The following ACTA2 variants were observed in gnomAD, a reference collection of about 807,000 sequenced individuals.
ACTA2 encodes actin, aortic smooth muscle.
Under a neutral mutation model 39.5 loss-of-function variants are expected in ACTA2, and 12 were observed. That is an observed-to-expected ratio of 0.30 (90% CI 0.19 to 0.49). ACTA2 has a LOEUF of 0.49. Among genes scored for constraint, ACTA2 ranks in the 20% least tolerant of loss-of-function variants. The pLI is 0.99. For synonymous variants in ACTA2, 158 were observed against 180.6 expected, an observed-to-expected ratio of 0.88 and a Z score of 1.00; for missense variants, 236 against 498.8, an observed-to-expected ratio of 0.47 and a Z score of 5.02.
chr10:88,945,417 CG>C (rs1845927635), intron 3 of ACTA2, among the ~76,000 whole-genome samples: 1 of 151,916 alleles, frequency 6.6e-6, no homozygotes, highest in Non-Finnish European at 1.5e-5. Context: ...AAATTGTGTG[CG>C]TAGTAGTAGT....
chr10:88,988,315 C>T (rs1049260915), intron 1 of ACTA2, among the ~76,000 whole-genome samples: 1 of 151,784 alleles, frequency 6.6e-6, no homozygotes, highest in African/African-American at 2.4e-5. Flanking sequence ...TTAAAATCAA[C>T]TTATTGCAAT....
intron 1 of ACTA2, chr10:88,974,062 A>C (rs906169891): frequency 3.3e-5 from 5 of 152,246 alleles, no homozygotes; most frequent in Non-Finnish European, 7.3e-5. Context: ...TGGACCTCTC[A>C]AAGTGCTGGG....
At chr10:88,949,441 C>G (rs1846011475) in intron 1 of ACTA2, among the ~76,000 whole-genome samples, 1 of 152,120 alleles carries the variant, frequency 6.6e-6, no homozygotes, top group Admixed American at 6.5e-5. Flanking sequence ...GAGGGACAGG[C>G]AGCATGTAAA....
At chr10:88,978,372 A>C (rs1180328485) in intron 1 of ACTA2, among the ~76,000 whole-genome samples, 1 of 151,976 alleles carries the variant, frequency 6.6e-6, no homozygotes, top group African/African-American at 2.4e-5. Flanking sequence ...CATAATGTGC[A>C]CATGTACCCT....
chr10:88,965,175 T>G (rs1846298601), intron 1 of ACTA2, among the ~76,000 whole-genome samples: 1 of 152,206 alleles, frequency 6.6e-6, no homozygotes. Flanking sequence ...GCACACTTAC[T>G]TGATGTAAGC....
At chr10:88,941,475 G>C in intron 5 of ACTA2, 85 bp from the exon 6 acceptor site, 1 of 1,556,158 alleles carries the variant, frequency 6.4e-7, no homozygotes. Flanking sequence ...CCTTGGGGGA[G>C]AGGGAATTTC....
At chr10:88,991,168 G>A (rs1180664293) in exon 1 of ACTA2, 2 of 587,028 alleles carry the variant, frequency 3.4e-6, no homozygotes, top group East Asian at 2.8e-5. Flanking sequence ...TGGGCAGGCG[G>A]GGCAGCTCCG....
chr10:88,990,602 T>G lies in ACTA2; in HGVS notation c.-24+337A>C, dbSNP rs1847107542. On this transcript the variant is annotated intron_variant, in intron 1 of 4. Coordinates refer to the ACTA2 transcript ENST00000415557. This position sits in a 1 kb window ranked among gnomAD's most constrained non-coding sequence, Gnocchi z 4.9. ...AACCCGGGCGTTCCCCAGCGAGGCT[T>G]CCTTCCCATCCTCCTGACCACCGGG... 1.5e-6 allele frequency: 1 copy of G among 680,290 alleles called. No homozygotes were observed. Among genetic ancestry groups the G allele is most frequent in the Non-Finnish European group, 2.7e-6 (1 of 372,290 alleles). The allele number at this position is 680,290 out of a possible 1,614,324, so 42.1% of individuals were successfully genotyped here. A position where few individuals can be genotyped will look rare whatever the true frequency, so the allele number is the denominator to read the frequency against.
At chr10:88,953,778 C>A (rs905651126), upstream of ACTA2, among the ~76,000 whole-genome samples, 1 of 152,160 alleles carries the variant, frequency 6.6e-6, no homozygotes, top group Non-Finnish European at 1.5e-5. Context: ...CTCACGATAT[C>A]TGATGGTTTT....
rs1362497969 is a variant in ACTA2, at chr10:88,991,100, G to A, written c.-185C>T. 13 of 678,010 alleles carry A rather than the reference G, an allele frequency of 1.9e-5. No homozygotes were observed. In the Admixed American group the frequency reaches 2.8e-4, roughly 14 times the overall value. 42.0% of individuals were successfully genotyped at this position (678,010 alleles called of 1,614,324 possible). A position where few individuals can be genotyped will look rare whatever the true frequency, so the allele number is the denominator to read the frequency against. On this transcript the variant is annotated 5_prime_UTR_variant, in exon 1 of 5. Transcript: ENST00000415557. ...TTAGGACCTTCCCTCAGGCCCGGGT[G>A]CTCAGAACGCTGGAGGACTTGCTTT...
At chr10:88,988,329 G>C (rs1157588686) in intron 1 of ACTA2, among the ~76,000 whole-genome samples, 1 of 151,300 alleles carries the variant, frequency 6.6e-6, no homozygotes, top group East Asian at 1.9e-4. Flanking sequence ...TTGCAATTTA[G>C]TAAAAACAAT....
At chr10:88,969,273 A>T (rs1846379683) in intron 1 of ACTA2, among the ~76,000 whole-genome samples, 1 of 152,176 alleles carries the variant, frequency 6.6e-6, no homozygotes, top group Non-Finnish European at 1.5e-5. Context: ...TCATTTCCCA[A>T]AAAAAGCTCT....
exon 1 of ACTA2, chr10:88,991,211 A>G: frequency 1.8e-6 from 1 of 549,150 alleles, no homozygotes; most frequent in Non-Finnish European, 3.3e-6. Context: ...CTCCACGTTG[A>G]GGTGGGCGTG....
rs886038946 is a variant in ACTA2 at position 88,938,155 on chromosome 10, T to C, written c.896A>G (p.Asn299Ser). The C allele has an allele frequency of 1.2e-6, 2 of 1,613,926 alleles. No individual in the cohort carries two copies. The highest frequency in any genetic ancestry group is 2.7e-5 in the African/African-American group (2 of 74,908). Residue 299 changes from asparagine to serine, a missense_variant, in exon 8 of 9, where the codon AAT becomes AGT. Coordinates refer to ENST00000224784, the MANE Select transcript of ACTA2 (RefSeq NM_001613.4). Reference protein sequence around the residue: ...IDIRKDLYANNVLSGGTTMYP... With the variant: ...IDIRKDLYANSVLSGGTTMYP... ...CATAGTGGTGCCCCCTGATAGGACA[T>C]TGTTAGCATAGAGGTCCTTCCTGAT...
intron 3 of ACTA2, among the ~76,000 whole-genome samples, chr10:88,945,513 A>G (rs1013555090): frequency 2.6e-5 from 4 of 151,970 alleles, no homozygotes; most frequent in African/African-American, 9.7e-5. Context: ...TCACTTTCTC[A>G]TTATTTCTTC....
Position 88,938,161 on chromosome 10 carries a change from G to A in ACTA2, c.890C>T (p.Ala297Val). ...GGTGCCCCCTGATAGGACATTGTTA[G>A]CATAGAGGTCCTTCCTGATGTCAAT... is the stretch of plus-strand genomic sequence containing the variant. ...CDIDIRKDLY[A>V]NNVLSGGTTM... The change falls in exon 8 of 9, where the codon GCT becomes GTT. Residue 297 changes from alanine (A) to valine (V), a missense_variant. Physicochemically the swap from Ala to Val is moderately conservative, Grantham distance 64 (BLOSUM62 0). Transcript: ENST00000224784. 1 of 1,614,052 alleles carries A rather than the reference G, an allele frequency of 6.2e-7. No homozygotes were observed. The highest frequency in any genetic ancestry group is 8.5e-7 in the Non-Finnish European group (1 of 1,179,932).
At chr10:88,954,460 C>A (rs1564650213), upstream of ACTA2, among the ~76,000 whole-genome samples, 1 of 152,118 alleles carries the variant, frequency 6.6e-6, no homozygotes, top group Non-Finnish European at 1.5e-5. Context: ...TCACAGGAAT[C>A]ATGTGAAGCA....
chr10:88,977,181 G>A (rs529448196), intron 1 of ACTA2, among the ~76,000 whole-genome samples: 2 of 151,880 alleles, frequency 1.3e-5, no homozygotes, highest in South Asian at 4.2e-4. Context: ...GATCCCATTT[G>A]TCAATTTTGG....
intron 1 of ACTA2, among the ~76,000 whole-genome samples, chr10:88,988,481 CTTGT>C (rs1846987299): frequency 9.0e-6 from 1 of 110,672 alleles, no homozygotes; most frequent in South Asian, 3.3e-4. Context: ...AGTCAAGATT[CTTGT>C]TTAAGTGTTA....
Sources: gnomAD v4.1 joint callset for allele counts (sites outside exome capture counted in the v4.1 genomes callset) on GRCh38, gnomAD v4.1.1 for gene constraint, Gnocchi (gnomAD v3.1) non-coding constraint, MANE v1.5 for transcripts, NCBI Gene and HGNC (gene_info 2026-07-23, HGNC 2026-07-21) for gene names.